TRIM66: variants seen among roughly 807,000 people sequenced by gnomAD.
TRIM66 encodes tripartite motif containing 66.
Under a neutral mutation model 148.2 loss-of-function variants are expected in TRIM66, and 99 were observed. The observed-to-expected ratio is 0.67, with a 90% CI of 0.57 to 0.79. TRIM66 has a LOEUF of 0.79. TRIM66 is among the 30% of genes least tolerant of loss of function. The pLI, the probability that TRIM66 is intolerant of heterozygous loss-of-function variation, is 0.00. For missense variants in TRIM66, 1,666 were observed against 1,697.9 expected, an observed-to-expected ratio of 0.98 and a Z score of 0.33; for synonymous variants, 616 against 635.9, an observed-to-expected ratio of 0.97 and a Z score of 0.47.
rs2039470914 is a variant in TRIM66 at position 8,682,256 on chromosome 11, A to G, written c.-548+345T>C. On this transcript the variant is annotated intron_variant, in intron 1 of 24. Transcript: ENST00000646038. ...TGAGAGCGGGAGAAGGCATTTCGGG[A>G]GCCGCCCGAGCTTCAGGAAACCGAG... Among the ~76,000 whole-genome samples the G allele has an allele frequency of 2.6e-5, 4 of 152,312 alleles. No individual in the cohort carries two copies. In the South Asian group the frequency reaches 6.2e-4, roughly 24 times the overall value.
chr11:8,625,277 G>C (rs998098847), intron 15 of TRIM66, 49 bp from the exon 16 acceptor site: 1 of 1,451,630 alleles, frequency 6.9e-7, no homozygotes, highest in African/African-American at 1.4e-5. Context: ...GCTGGGAATG[G>C]AGGGAGGGAG....
intron 15 of TRIM66, among the ~76,000 whole-genome samples, chr11:8,634,055 T>G (rs1440045249): frequency 6.6e-6 from 1 of 152,194 alleles, no homozygotes; most frequent in African/African-American, 2.4e-5. Flanking sequence ...GGCCTCGAAG[T>G]CCTCTCTTGA....
Position 8,612,850 on chromosome 11 carries a change from C to T in TRIM66, c.*5094G>A, listed in dbSNP as rs2033480305. ...CAGGCTCCTTCCCAACTACAGCAGGCTCTAACTGGTGCAGGATCATGGTGA... is the reference window on the plus strand; with the variant it reads ...CAGGCTCCTTCCCAACTACAGCAGGTTCTAACTGGTGCAGGATCATGGTGA... On this transcript the variant is annotated 3_prime_UTR_variant, in exon 25 of 25. Coordinates refer to ENST00000646038, the MANE Select transcript of TRIM66 (RefSeq NM_001388022.1). 6.6e-6 allele frequency: 1 copy of T among 152,390 alleles called. No individual in the cohort carries two copies. The highest frequency in any genetic ancestry group is 6.5e-5 in the Admixed American group (1 of 15,286). The allele number at this position is 152,390 out of a possible 1,614,324, so 9.4% of individuals were successfully genotyped here.
intron 13 of TRIM66, among the ~76,000 whole-genome samples, chr11:8,641,728 G>A (rs1211512356): frequency 6.6e-6 from 1 of 152,150 alleles, no homozygotes; most frequent in Admixed American, 6.5e-5. Context: ...GGGCCTGGTG[G>A]GAGGTGACTG....
chr11:8,651,983 C>T (rs2037398161), intron 6 of TRIM66, 80 bp from the exon 7 acceptor site: 3 of 1,137,948 alleles, frequency 2.6e-6, no homozygotes, highest in Non-Finnish European at 3.7e-6. Flanking sequence ...CTTTCTAATA[C>T]ACAACACCAA....
chr11:8,633,922 G>C (rs535620754), intron 15 of TRIM66, among the ~76,000 whole-genome samples: 1 of 152,248 alleles, frequency 6.6e-6, no homozygotes, highest in South Asian at 2.1e-4. Context: ...CTATCTGCCT[G>C]GGTCATTATC....
chr11:8,676,372 T>C (rs2039177113), intron 3 of TRIM66, among the ~76,000 whole-genome samples: 1 of 152,136 alleles, frequency 6.6e-6, no homozygotes. Flanking sequence ...AGTGAAAAGA[T>C]CAAATAACAC....
At chr11:8,661,112 A>G (rs1347531885) in intron 6 of TRIM66, among the ~76,000 whole-genome samples, 2 of 152,226 alleles carry the variant, frequency 1.3e-5, no homozygotes, top group African/African-American at 2.4e-5. Context: ...CACAGTAGCA[A>G]TAAGTGAAGT....
intron 6 of TRIM66, among the ~76,000 whole-genome samples, chr11:8,661,081 T>TA (rs1270665877): frequency 6.6e-6 from 1 of 152,196 alleles, no homozygotes; most frequent in East Asian, 1.9e-4. Flanking sequence ...GGGTCAAAGC[T>TA]AGAGGATTTG....
At chr11:8,681,290 C>G (rs901273228) in intron 1 of TRIM66, among the ~76,000 whole-genome samples, 1 of 152,158 alleles carries the variant, frequency 6.6e-6, no homozygotes, top group Non-Finnish European at 1.5e-5. Context: ...CCCACCACCA[C>G]GCCCATCTAA....
intron 12 of TRIM66, chr11:8,644,491 T>A: frequency 2.2e-6 from 1 of 445,218 alleles, no homozygotes; most frequent in Non-Finnish European, 4.5e-6. Flanking sequence ...GTATCCCTTC[T>A]ACCCTCAAAC....
Position 8,624,513 on chromosome 11 carries a change from C to T in TRIM66, c.2865G>A (p.Leu955=), listed in dbSNP as rs908134074. 5.8e-6 allele frequency: 9 copies of T among 1,541,256 alleles called. No homozygotes were observed. The African/African-American group carries it at 1.1e-4, about 19-fold the overall frequency. The part of the protein sequence containing the change: ...SEDSTRFTDL[L]GQGPIVPGLD... ...GACCGGGGACTATGGGACCTTGTCC[C>T]AGTAAGTCAGTGAAGCGAGTGGAAT... Residue 955 remains leucine (L), a synonymous_variant, in exon 17 of 25, where the codon CTG becomes CTA. Transcript: ENST00000646038.
intron 3 of TRIM66, among the ~76,000 whole-genome samples, chr11:8,675,985 CCT>C (rs1020130377): frequency 1.3e-5 from 2 of 152,200 alleles, no homozygotes; most frequent in African/African-American, 4.8e-5. Flanking sequence ...GATCCACCCG[CCT>C]CAGCTTCCCA....
intron 15 of TRIM66, among the ~76,000 whole-genome samples, chr11:8,636,393 T>G (rs1251644349): frequency 2.0e-5 from 3 of 152,210 alleles, no homozygotes; most frequent in Non-Finnish European, 2.9e-5. Flanking sequence ...GCAACTCTCA[T>G]GCTTGCTTCT....
chr11:8,650,908 C>G (rs1231571718), intron 7 of TRIM66, among the ~76,000 whole-genome samples: 1 of 152,210 alleles, frequency 6.6e-6, no homozygotes, highest in Non-Finnish European at 1.5e-5. Flanking sequence ...TGGTCAAATG[C>G]AACCAAGGAA....
chr11:8,635,668 T>C (rs1172761422), intron 15 of TRIM66, among the ~76,000 whole-genome samples: 2 of 152,114 alleles, frequency 1.3e-5, no homozygotes, highest in African/African-American at 2.4e-5. Context: ...CATCTGCCCC[T>C]CCAAACCTCT....
chr11:8,666,105 G>C (rs1055563143), intron 6 of TRIM66, among the ~76,000 whole-genome samples: 3 of 151,994 alleles, frequency 2.0e-5, no homozygotes, highest in African/African-American at 7.2e-5. Flanking sequence ...GGGAGGCCGA[G>C]GTGGGCAGAT....
At chr11:8,633,443 T>G (rs2035599877) in intron 15 of TRIM66, among the ~76,000 whole-genome samples, 1 of 152,152 alleles carries the variant, frequency 6.6e-6, no homozygotes, top group African/African-American at 2.4e-5. Context: ...TAGACAAAAA[T>G]CTTAGGTTTG....
intron 6 of TRIM66, among the ~76,000 whole-genome samples, chr11:8,663,600 A>G (rs1311317553): frequency 6.6e-6 from 1 of 152,160 alleles, no homozygotes; most frequent in African/African-American, 2.4e-5. Context: ...AAAAACTTGA[A>G]AAGCAAAACC....
Sources: allele counts gnomAD v4.1 joint callset (sites outside exome capture counted in the v4.1 genomes callset), GRCh38; gene constraint gnomAD v4.1.1; transcripts MANE v1.5; gene names NCBI Gene and HGNC (gene_info 2026-07-23, HGNC 2026-07-21).